The following HDAC4 variants were observed in gnomAD, a reference collection of about 807,000 sequenced individuals.
HDAC4 encodes histone deacetylase A.
A neutral mutation model predicts 135.1 loss-of-function variants in HDAC4; 16 were observed. The ratio of observed to expected loss-of-function variants is 0.12; its 90% CI spans 0.08 to 0.18. The LOEUF is 0.18. HDAC4 is among the 10% of genes least tolerant of loss of function. The pLI, the probability that HDAC4 is intolerant of heterozygous loss-of-function variation, is 1.00. For missense variants in HDAC4, 1,143 were observed against 1,511.8 expected (o/e 0.76, Z 4.05); for synonymous variants, 685 against 653.4 (o/e 1.05, Z -0.74).
At chr2:239,164,830 T>G (rs1185267996) in intron 5 of HDAC4, among the ~76,000 whole-genome samples, 2 of 152,216 alleles carry the variant, frequency 1.3e-5, no homozygotes, top group Non-Finnish European at 2.9e-5. Flanking sequence ...CTGACTACCT[T>G]TAGAATTACT....
At chr2:239,061,614 T>C (rs1004227079) in intron 24 of HDAC4, among the ~76,000 whole-genome samples, 7 of 152,162 alleles carry the variant, frequency 4.6e-5, no homozygotes, top group Admixed American at 6.5e-5. Context: ...AGGGTGGCCA[T>C]GTGGGGTGTC....
chr2:239,400,758 C>A lies in HDAC4; in HGVS notation c.-220+220G>T, dbSNP rs1257268032. 5 of 145,786 alleles carry A rather than the reference C, an allele frequency of 3.4e-5. No homozygotes were observed. Among genetic ancestry groups the A allele is most frequent in the Non-Finnish European group, 7.6e-5 (5 of 65,598 alleles). 9.0% of individuals were successfully genotyped at this position (145,786 alleles called of 1,614,324 possible). On this transcript the variant is annotated intron_variant, in intron 1 of 26. Transcript: ENST00000543185. The surrounding 1 kb of genome is among the most constrained non-coding windows in gnomAD (Gnocchi z 4.7). ...CTCCGCGCCGCATCTCCTCAGCCTG[C>A]GCCGCCACCCGCCGGCGCGCGGGCT...
chr2:239,283,172 G>A (rs1031672683), intron 2 of HDAC4, among the ~76,000 whole-genome samples: 24 of 152,254 alleles, frequency 1.6e-4, no homozygotes, highest in African/African-American at 4.6e-4. Flanking sequence ...GGAAGAATGC[G>A]CTCTACAAGA....
In HDAC4 at chr2:239,139,020, C is replaced by T. The variant is rs966073974; in HGVS notation, c.978+664G>A. On this transcript the variant is annotated intron_variant, in intron 9 of 26. Transcript: ENST00000543185. The surrounding 1 kb of genome is among the most constrained non-coding windows in gnomAD (Gnocchi z 5.3). ...GTCCCCTGACTCCTCTCTAGCTTGC[C>T]AATGTCCCTCCCAGACTGTGGCACC... 6.6e-6 allele frequency among the ~76,000 whole-genome samples: 1 copy of T among 152,174 alleles called. No individual in the cohort carries two copies. The highest frequency in any genetic ancestry group is 2.4e-5 in the African/African-American group (1 of 41,440).
intron 6 of HDAC4, 87 bp from the exon 7 acceptor site, chr2:239,156,860 T>C (rs1456188597): frequency 1.1e-5 from 17 of 1,537,864 alleles, no homozygotes; most frequent in Admixed American, 1.7e-5. Context: ...CACGATGATC[T>C]TTCCCTTGAA....
intron 2 of HDAC4, among the ~76,000 whole-genome samples, chr2:239,280,575 T>C (rs1394137567): frequency 2.6e-5 from 4 of 152,150 alleles, no homozygotes; most frequent in South Asian, 4.1e-4. Context: ...AAGGAAAACA[T>C]TGTGGGAGCA....
At position 239,240,432 on chromosome 2, in the gene HDAC4, T is replaced by A. The variant is rs1360980438; in HGVS notation, c.23-3768A>T. Among the ~76,000 whole-genome samples, 3 of 152,222 alleles carry A rather than the reference T, an allele frequency of 2.0e-5. No homozygotes were observed. Among genetic ancestry groups the A allele is most frequent in the Non-Finnish European group, 4.4e-5 (3 of 68,036 alleles). ...GTGATGAGAGGTGGAATTTCCATAT[T>A]TATCTGCCTCTGGGCTGAAATTTCT... On this transcript the variant is annotated intron_variant, in intron 2 of 26. Transcript: ENST00000543185. The surrounding 1 kb of genome is among the most constrained non-coding windows in gnomAD (Gnocchi z 4.5).
intron 2 of HDAC4, among the ~76,000 whole-genome samples, chr2:239,253,597 T>C (rs1376722952): frequency 6.6e-6 from 1 of 152,236 alleles, no homozygotes; most frequent in East Asian, 1.9e-4. Flanking sequence ...ACCAGAACTT[T>C]AGGTTCCCAA....
intron 2 of HDAC4, among the ~76,000 whole-genome samples, chr2:239,330,512 A>G (rs995492315): frequency 6.6e-6 from 1 of 152,242 alleles, no homozygotes; most frequent in African/African-American, 2.4e-5. Flanking sequence ...TTCCGCTCCA[A>G]GAAGCTCTTC....
rs144849445 is a variant in HDAC4 at position 239,096,713 on chromosome 2, G to A, written c.2234-1657C>T. On this transcript the variant is annotated intron_variant, in intron 16 of 26. Coordinates refer to ENST00000543185, the MANE Select transcript of HDAC4 (RefSeq NM_001378414.1). ...CCCACAGACACCCACCCCACCCCAC[G>A]GACACCAGCACCCCCCACGGACATC... Among the ~76,000 whole-genome samples, 411 of 71,670 alleles carry A rather than the reference G, an allele frequency of 5.7e-3. 4 individuals carry two copies. The highest frequency in any genetic ancestry group is 0.017 in the African/African-American group (270 of 16,178). 47.0% of individuals were successfully genotyped at this position (71,670 alleles called of 152,430 possible).
At chr2:239,265,860 T>C (rs1300923788) in intron 2 of HDAC4, among the ~76,000 whole-genome samples, 1 of 152,236 alleles carries the variant, frequency 6.6e-6, no homozygotes. Context: ...GCGGGAACCA[T>C]GCCATGGGCT....
intron 2 of HDAC4, among the ~76,000 whole-genome samples, chr2:239,251,258 A>C (rs2124956632): frequency 6.6e-6 from 1 of 152,394 alleles, no homozygotes; most frequent in African/African-American, 2.4e-5. Flanking sequence ...GGAGACACAC[A>C]GATGCCACCA....
At chr2:239,158,208 A>T (rs2042547642) in intron 6 of HDAC4, among the ~76,000 whole-genome samples, 1 of 152,094 alleles carries the variant, frequency 6.6e-6, no homozygotes, top group Non-Finnish European at 1.5e-5. Context: ...TTCTCTACCA[A>T]ATAGTATTTT....
intron 16 of HDAC4, among the ~76,000 whole-genome samples, chr2:239,101,154 G>A (rs2037583212): frequency 6.6e-6 from 1 of 152,136 alleles, no homozygotes. Context: ...TCCTACTGCT[G>A]TTCACTCCCT....
At chr2:239,067,850 G>C (rs1010159653) in intron 23 of HDAC4, among the ~76,000 whole-genome samples, 2 of 152,216 alleles carry the variant, frequency 1.3e-5, no homozygotes, top group African/African-American at 4.8e-5. Context: ...CATCACCAGG[G>C]CTAGGACCAA....
At chr2:239,379,126 G>A (rs540311284) in intron 1 of HDAC4, among the ~76,000 whole-genome samples, 39 of 152,308 alleles carry the variant, frequency 2.6e-4, no homozygotes, top group African/African-American at 9.4e-4. Flanking sequence ...GAGCCCAGGG[G>A]CAAGTCACTC....
rs550432351 is a variant in HDAC4 at position 239,308,990 on chromosome 2, C to A, written c.22+43688G>T. ...AAACGGATTCTTGATAACAAGCCGC[C>A]GGCTCGCTGGAAGACACTGAGCAGT... On this transcript the variant is annotated intron_variant, in intron 2 of 26. Transcript: ENST00000543185. The surrounding 1 kb of genome is among the most constrained non-coding windows in gnomAD (Gnocchi z 4.2). 1.3e-5 allele frequency: 2 copies of A among 152,132 alleles called. No individual in the cohort carries two copies. Among genetic ancestry groups the A allele is most frequent in the African/African-American group, 2.4e-5 (1 of 41,414 alleles). The allele number at this position is 152,132 out of a possible 1,614,324, so 9.4% of individuals were successfully genotyped here.
intron 2 of HDAC4, chr2:239,298,608 T>C: frequency 1.0e-6 from 1 of 999,784 alleles, no homozygotes. Context: ...ACACACAGGA[T>C]CAGCAGTGAT....
chr2:239,165,869 CT>C (rs2043097657), intron 5 of HDAC4, among the ~76,000 whole-genome samples: 1 of 152,100 alleles, frequency 6.6e-6, no homozygotes, highest in South Asian at 2.1e-4. Context: ...ATTGTTCCTC[CT>C]TTCAGTGGTT....
Sources: gnomAD v4.1 joint callset for allele counts (sites outside exome capture counted in the v4.1 genomes callset) on GRCh38, gnomAD v4.1.1 for gene constraint, Gnocchi (gnomAD v3.1) non-coding constraint, MANE v1.5 for transcripts, NCBI Gene and HGNC (gene_info 2026-07-23, HGNC 2026-07-21) for gene names.